Variants in PRDM15 observed in about 807,000 individuals in gnomAD.
The protein encoded by PRDM15 is PR domain zinc finger protein 15.
A neutral mutation model predicts 128.6 loss-of-function variants in PRDM15; 64 were observed. The observed-to-expected ratio is 0.50, with a 90% CI of 0.41 to 0.61. The LOEUF (loss-of-function observed/expected upper bound fraction) is 0.61, where lower values mean the gene tolerates loss of function less well. Ranked by LOEUF, PRDM15 falls within the 20% of genes least tolerant of loss-of-function variation. PRDM15 has a pLI of 0.00. For missense variants in PRDM15, 1,242 were observed against 1,569.1 expected (o/e 0.79, Z 3.52); for synonymous variants, 615 against 621.8 (o/e 0.99, Z 0.16).
intron 13 of PRDM15, among the ~76,000 whole-genome samples, chr21:41,824,356 CAG>C (rs2063040301): frequency 6.6e-6 from 1 of 152,166 alleles, no homozygotes; most frequent in Non-Finnish European, 1.5e-5. Context: ...CAGGAGAGGA[CAG>C]AGTCTGCAGA....
chr21:41,837,216 G>A (rs1277298075), intron 8 of PRDM15, among the ~76,000 whole-genome samples: 2 of 152,130 alleles, frequency 1.3e-5, no homozygotes, highest in African/African-American at 2.4e-5. Context: ...CCCAAGAATC[G>A]TAACTAAAAC....
At position 41,801,684 on chromosome 21, in the gene PRDM15, T is replaced by C. The variant is rs2061422421; in HGVS notation, c.2982A>G (p.Pro994=). The C allele has an allele frequency of 6.2e-7, 1 of 1,614,064 alleles. No individual in the cohort carries two copies. Among genetic ancestry groups the C allele is most frequent in the Non-Finnish European group, 8.5e-7 (1 of 1,179,966 alleles). Residue 994 remains proline (P), a synonymous_variant, in exon 24 of 24, where the codon CCA becomes CCG. Coordinates refer to ENST00000398548, the MANE Select transcript of PRDM15 (RefSeq NM_001040424.3). ...VTLGDPNVTT[P]SSSVGLTNIT... is the part of the protein sequence containing the mutation. ...TGTTGGTTAAGCCGACTGAGCTCGA[T>C]GGTGTGGTCACATTTGGGTCACCCA... is the stretch of plus-strand genomic sequence containing the variant.
At chr21:41,857,003 T>C (rs1270061390) in intron 4 of PRDM15, among the ~76,000 whole-genome samples, 173 bp downstream of exon 4, 1 of 152,360 alleles carries the variant, frequency 6.6e-6, no homozygotes, top group East Asian at 1.9e-4. Flanking sequence ...ATCGATGCTC[T>C]TGCAATGTAA....
chr21:41,810,694 G>A lies in PRDM15; in HGVS notation c.2476+59C>T. ...TCGTTTCCACCCCAGCAGGCACTCAGACAGCCCCGGCAGCCTGCCGCGTGC... is the reference window on the plus strand; with the variant it reads ...TCGTTTCCACCCCAGCAGGCACTCAAACAGCCCCGGCAGCCTGCCGCGTGC... On this transcript the variant is annotated intron_variant, in intron 20 of 23. Coordinates refer to ENST00000398548, the MANE Select transcript of PRDM15 (RefSeq NM_001040424.3). The surrounding 1 kb of genome is among the most constrained non-coding windows in gnomAD (Gnocchi z 6.4). The A allele has an allele frequency of 7.3e-7, 1 of 1,377,872 alleles. No individual in the cohort carries two copies. Among genetic ancestry groups the A allele is most frequent in the Non-Finnish European group, 1.0e-6 (1 of 967,566 alleles). 85.4% of individuals were successfully genotyped at this position (1,377,872 alleles called of 1,614,324 possible).
At position 41,821,193 on chromosome 21, in the gene PRDM15, A is replaced by G. The variant is rs145111294; in HGVS notation, c.1934T>C (p.Ile645Thr). 11 of 1,614,014 alleles carry G rather than the reference A, an allele frequency of 6.8e-6. No homozygotes were observed. The highest frequency in any genetic ancestry group is 8.5e-6 in the Non-Finnish European group (10 of 1,179,982). The change falls in exon 16 of 24, where the codon ATC (isoleucine) becomes ACC (threonine). Residue 645 changes from isoleucine (I) to threonine (T), a missense_variant. By Grantham distance (89) the Ile-to-Thr change is moderately conservative. Transcript: ENST00000398548. This position sits in a 1 kb window ranked among gnomAD's most constrained non-coding sequence, Gnocchi z 5.4. ...FGRGKEYLKH[I>T]MEVHKEKGYG... ...GCCCTTCTCCTTGTGCACCTCCATGATGTGCTTCAGGTACTCCTTCCCCCG... is the reference window on the plus strand; with the variant it reads ...GCCCTTCTCCTTGTGCACCTCCATGGTGTGCTTCAGGTACTCCTTCCCCCG...
intron 5 of PRDM15, among the ~76,000 whole-genome samples, chr21:41,852,746 T>G (rs910406959): frequency 1.4e-4 from 22 of 152,086 alleles, no homozygotes; most frequent in African/African-American, 5.1e-4. Context: ...CCCAGCAGCA[T>G]CCCCAGCGGC....
intron 6 of PRDM15, among the ~76,000 whole-genome samples, chr21:41,846,791 C>T (rs1411097025): frequency 6.6e-6 from 1 of 152,244 alleles, no homozygotes; most frequent in Non-Finnish European, 1.5e-5. Flanking sequence ...CATGCCACGG[C>T]TGGCTCCTGG....
At chr21:41,846,998 C>A (rs1049370945) in intron 6 of PRDM15, 92 bp downstream of exon 6, 6 of 827,414 alleles carry the variant, frequency 7.3e-6, no homozygotes, top group Non-Finnish European at 1.2e-5. Context: ...AAGTCTGGGA[C>A]ATCCCGACAG....
chr21:41,852,905 A>G (rs910636430), intron 5 of PRDM15, among the ~76,000 whole-genome samples: 1 of 152,228 alleles, frequency 6.6e-6, no homozygotes, highest in East Asian at 1.9e-4. Flanking sequence ...CCTGAATCCA[A>G]TGACGGGTGG....
At chr21:41,806,501 CCAT>C (rs1344274962) in intron 21 of PRDM15, among the ~76,000 whole-genome samples, 1 of 65,382 alleles carries the variant, frequency 1.5e-5, no homozygotes, top group Non-Finnish European at 3.0e-5. Flanking sequence ...ACCATCACCA[CCAT>C]CACCATCACC....
chr21:41,812,120 C>T (rs1281607673), intron 19 of PRDM15: 1 of 152,244 alleles, frequency 6.6e-6, no homozygotes, highest in Admixed American at 6.5e-5. Context: ...TTCTAAGACT[C>T]CACCTTCCAA....
intron 1 of PRDM15, among the ~76,000 whole-genome samples, chr21:41,864,509 C>T (rs1174395035): frequency 6.6e-6 from 1 of 152,024 alleles, no homozygotes; most frequent in Non-Finnish European, 1.5e-5. Flanking sequence ...ATGCTCCTGA[C>T]AAAGTCTCTC....
At chr21:41,861,557 G>A (rs776682889) in intron 1 of PRDM15, 3 of 1,601,952 alleles carry the variant, frequency 1.9e-6, no homozygotes, top group Admixed American at 3.4e-5. Flanking sequence ...CCCCAACTGT[G>A]CGCACCGGCA....
chr21:41,801,130 C>T lies in PRDM15; in HGVS notation c.*110G>A, dbSNP rs2061403685. On this transcript the variant is annotated 3_prime_UTR_variant, in exon 24 of 24. Coordinates refer to ENST00000398548, the MANE Select transcript of PRDM15 (RefSeq NM_001040424.3). The stretch of plus-strand genomic sequence containing the variant: ...GAGATACTCTGCAAAGCTAAGTCAA[C>T]CTTACATTGCAATGTATGACTTTTT... The T allele has an allele frequency of 1.8e-5, 25 of 1,414,426 alleles. No homozygotes were observed. In the South Asian group the frequency reaches 3.4e-4, roughly 19 times the overall value. The allele number at this position is 1,414,426 out of a possible 1,614,324, so 87.6% of individuals were successfully genotyped here. A position where few individuals can be genotyped will look rare whatever the true frequency, so the allele number is the denominator to read the frequency against.
chr21:41,829,008 CACACCACAT>C (rs1335957390), intron 11 of PRDM15, among the ~76,000 whole-genome samples: 2 of 149,330 alleles, frequency 1.3e-5, no homozygotes, highest in East Asian at 4.0e-4. Flanking sequence ...CACAACCACA[CACACCACAT>C]ACACACTACA....
intron 18 of PRDM15, among the ~76,000 whole-genome samples, chr21:41,816,859 T>G (rs951965672): frequency 6.7e-6 from 1 of 148,602 alleles, no homozygotes; most frequent in African/African-American, 2.5e-5. Context: ...CGAAGAGTGA[T>G]TCCACCTGAA....
In PRDM15 at chr21:41,859,104, G is replaced by T; in HGVS notation, c.131+488C>A. On this transcript the variant is annotated intron_variant, in intron 3 of 23. Transcript: ENST00000398548. This position sits in a 1 kb window ranked among gnomAD's most constrained non-coding sequence, Gnocchi z 5.3. ...CGGCAGGGCAGCTGCTGCCCACTGA[G>T]CCGCCTCACCAGGCCTGCAGGGACT... is the stretch of plus-strand genomic sequence containing the variant. 2 of 1,599,356 alleles carry T rather than the reference G, an allele frequency of 1.3e-6. No individual in the cohort carries two copies. Among genetic ancestry groups the T allele is most frequent in the Non-Finnish European group, 1.7e-6 (2 of 1,174,390 alleles).
intron 13 of PRDM15, among the ~76,000 whole-genome samples, chr21:41,825,307 C>G (rs1481494630): frequency 6.6e-6 from 1 of 152,242 alleles, no homozygotes; most frequent in African/African-American, 2.4e-5. Context: ...CCCAGGCTCT[C>G]CCGGGACGCG....
chr21:41,804,738 G>A (rs1439490885), intron 21 of PRDM15, 124 bp from the exon 22 acceptor site: 19 of 648,906 alleles, frequency 2.9e-5, no homozygotes, highest in South Asian at 1.2e-4. Flanking sequence ...GGCATCCCCC[G>A]CACTTCCCAG....
Sources: allele counts gnomAD v4.1 joint callset (sites outside exome capture counted in the v4.1 genomes callset), GRCh38; gene constraint gnomAD v4.1.1; non-coding constraint Gnocchi (gnomAD v3.1); transcripts MANE v1.5; gene names NCBI Gene and HGNC (gene_info 2026-07-23, HGNC 2026-07-21).